Variants in MAS1 observed in about 807,000 individuals in gnomAD.
MAS1 encodes the protein MAS1 proto-oncogene, G protein-coupled receptor, also known as proto-oncogene Mas.
For missense variants in MAS1, 387 were observed against 409.7 expected, an observed-to-expected ratio of 0.94 and a Z score of 0.48; for synonymous variants, 163 against 164.2, an observed-to-expected ratio of 0.99 and a Z score of 0.05.
At chr6:159,890,169 C>T (rs1157445613), upstream of MAS1, among the ~76,000 whole-genome samples, 2 of 152,116 alleles carry the variant, frequency 1.3e-5, no homozygotes, top group African/African-American at 4.8e-5. Context: ...TGGGGCTTCA[C>T]ATTGAGTTAT....
At chr6:159,900,511 A>G (rs780149898) in intron 2 of MAS1, among the ~76,000 whole-genome samples, 3 of 152,184 alleles carry the variant, frequency 2.0e-5, no homozygotes, top group Non-Finnish European at 4.4e-5. Flanking sequence ...TGTGATTTTT[A>G]GCAATGTGTT....
upstream of MAS1, among the ~76,000 whole-genome samples, chr6:159,889,855 G>A (rs1265492447): frequency 6.6e-6 from 1 of 152,136 alleles, no homozygotes; most frequent in African/African-American, 2.4e-5. Flanking sequence ...CCGAGCTGCT[G>A]GTCAGGCTTC....
chr6:159,898,469 G>T (rs1309621673), intron 1 of MAS1, among the ~76,000 whole-genome samples: 1 of 150,754 alleles, frequency 6.6e-6, no homozygotes. Context: ...TGAGGGGTTT[G>T]GTAGAACAGT....
At chr6:159,889,932 A>T (rs1241795348), upstream of MAS1, among the ~76,000 whole-genome samples, 1 of 152,140 alleles carries the variant, frequency 6.6e-6, no homozygotes, top group Non-Finnish European at 1.5e-5. Context: ...GTCGGAGGGG[A>T]ACTTCATCTG....
intron 2 of MAS1, chr6:159,906,598 G>A (rs1429975073): frequency 1.5e-5 from 3 of 197,240 alleles, no homozygotes; most frequent in Non-Finnish European, 3.1e-5. Flanking sequence ...AATGGGTCCC[G>A]CACAGGGCAC....
chr6:159,893,301 G>A (rs931541358), intron 1 of MAS1, among the ~76,000 whole-genome samples: 3 of 152,220 alleles, frequency 2.0e-5, no homozygotes, highest in African/African-American at 7.2e-5. Context: ...TGTCAGTGCT[G>A]GGCAGGGCAG....
intron 1 of MAS1, among the ~76,000 whole-genome samples, chr6:159,896,615 GC>G (rs1356723030): frequency 6.6e-6 from 1 of 152,042 alleles, no homozygotes; most frequent in Admixed American, 6.6e-5. Context: ...TAGAAGAAAG[GC>G]GATAAACATT....
In MAS1 at chr6:159,909,055, ACT is replaced by A. The variant is rs1023702536; in HGVS notation, c.*1125_*1126del. 4 of 146,396 alleles carry A rather than the reference ACT, an allele frequency of 2.7e-5. No individual in the cohort carries two copies. The highest frequency in any genetic ancestry group is 4.5e-5 in the Non-Finnish European group (3 of 66,886). The allele number at this position is 146,396 out of a possible 1,614,324, so 9.1% of individuals were successfully genotyped here. A position where few individuals can be genotyped will look rare whatever the true frequency, so the allele number is the denominator to read the frequency against. Reference sequence around the variant, plus strand: ...TGAAAATGTGGTCACATCCTGGAGGACTCTGATATTTTTGCTCATGACAGATC... The same window carrying A: ...TGAAAATGTGGTCACATCCTGGAGGACTGATATTTTTGCTCATGACAGATC... On this transcript the variant is annotated 3_prime_UTR_variant, in exon 3 of 3. Coordinates refer to ENST00000674077, the MANE Select transcript of MAS1 (RefSeq NM_002377.4).
In MAS1 at chr6:159,908,509, GCACACACACACACACACACACACA is replaced by G. The variant is rs55793021; in HGVS notation, c.*589_*612del. 6.9e-6 allele frequency: 1 copy of G among 145,878 alleles called. No homozygotes were observed. The highest frequency in any genetic ancestry group is 1.5e-5 in the Non-Finnish European group (1 of 66,638). 9.0% of individuals were successfully genotyped at this position (145,878 alleles called of 1,614,324 possible). On this transcript the variant is annotated 3_prime_UTR_variant, in exon 3 of 3. Coordinates refer to ENST00000674077, the MANE Select transcript of MAS1 (RefSeq NM_002377.4). ...AAGATATAAATTTTTGTTTTGTAAA[GCACACACACACACACACACACACA>G]CACACACACACAGCTCTATCATGTA...
At position 159,911,208 on chromosome 6, in the gene MAS1, C is replaced by T. The variant is rs929071556; in HGVS notation, c.*3275C>T. The T allele has an allele frequency of 1.3e-5, 2 of 152,212 alleles. No individual in the cohort carries two copies. The highest frequency in any genetic ancestry group is 3.8e-4 in the East Asian group (2 of 5,204). 9.4% of individuals were successfully genotyped at this position (152,212 alleles called of 1,614,324 possible). A position where few individuals can be genotyped will look rare whatever the true frequency, so the allele number is the denominator to read the frequency against. ...AAATAGACATTTGCTGACCAGAACC[C>T]TTTGCTGGGCTCCAGTCCTGTGTGT... On this transcript the variant is annotated 3_prime_UTR_variant, in exon 3 of 3. Coordinates refer to ENST00000674077, the MANE Select transcript of MAS1 (RefSeq NM_002377.4).
At position 159,908,693 on chromosome 6, in the gene MAS1, G is replaced by A. The variant is rs1782929904; in HGVS notation, c.*760G>A. The A allele has an allele frequency of 6.6e-6, 1 of 152,290 alleles. No homozygotes were observed. Among genetic ancestry groups the A allele is most frequent in the Middle Eastern group, 3.4e-3 (1 of 294 alleles). 9.4% of individuals were successfully genotyped at this position (152,290 alleles called of 1,614,324 possible). A position where few individuals can be genotyped will look rare whatever the true frequency, so the allele number is the denominator to read the frequency against. On this transcript the variant is annotated 3_prime_UTR_variant, in exon 3 of 3. Transcript: ENST00000674077. ...CGGATGTTATGATCTAACAAGCCAT[G>A]TGCTAGTGCATCATTTCAGGTTGTG...
upstream of MAS1, among the ~76,000 whole-genome samples, chr6:159,890,182 G>A (rs1054327917): frequency 6.6e-6 from 1 of 152,086 alleles, no homozygotes; most frequent in African/African-American, 2.4e-5. Flanking sequence ...TGAGTTATTT[G>A]AAAAATGGGT....
chr6:159,910,082 T>A lies in MAS1; in HGVS notation c.*2149T>A, dbSNP rs779161435. 2.6e-5 allele frequency: 4 copies of A among 152,248 alleles called. No homozygotes were observed. The highest frequency in any genetic ancestry group is 4.4e-5 in the Non-Finnish European group (3 of 68,044). 9.4% of individuals were successfully genotyped at this position (152,248 alleles called of 1,614,324 possible). ...TATGTAGAGAATACTAAATCATTTG[T>A]ATCCTTTAGGCATTCAGACAATTTG... On this transcript the variant is annotated 3_prime_UTR_variant, in exon 3 of 3. Coordinates refer to ENST00000674077, the MANE Select transcript of MAS1 (RefSeq NM_002377.4).
chr6:159,902,955 C>T (rs1241444480), intron 2 of MAS1, among the ~76,000 whole-genome samples: 1 of 152,148 alleles, frequency 6.6e-6, no homozygotes, highest in African/African-American at 2.4e-5. Flanking sequence ...CCAGGTTCTG[C>T]TCTCAGCTCA....
In MAS1 at chr6:159,907,854, C is replaced by T. The variant is rs748613074; in HGVS notation, c.899C>T (p.Thr300Ile). 4 of 1,611,758 alleles carry T rather than the reference C, an allele frequency of 2.5e-6. No homozygotes were observed. In the Admixed American group the frequency reaches 5.0e-5, roughly 20 times the overall value. The change falls in exon 3 of 3, where the codon ACC becomes ATC. Residue 300 changes from threonine (T) to isoleucine (I), a missense_variant. Thr to Ile is a moderately conservative substitution (Grantham distance 89, BLOSUM62 -1). Transcript: ENST00000674077. ...AAGGAGTCCTTAAAAGTTGTTCTGA[C>T]CAGGGCTTTCAAAGATGAAATGCAA... ...RFKESLKVVL[T>I]RAFKDEMQPR...
chr6:159,889,135 G>A (rs927014277), upstream of MAS1, among the ~76,000 whole-genome samples: 1 of 152,164 alleles, frequency 6.6e-6, no homozygotes, highest in East Asian at 1.9e-4. Context: ...CTACCTAGAA[G>A]CCATCGGGCC....
rs1474416817 is a variant in MAS1, at chr6:159,899,169, T to C, written c.-243-17T>C. 1 of 152,230 alleles carries C rather than the reference T, an allele frequency of 6.6e-6. No homozygotes were observed. The highest frequency in any genetic ancestry group is 1.5e-5 in the Non-Finnish European group (1 of 68,056). The allele number at this position is 152,230 out of a possible 1,614,324, so 9.4% of individuals were successfully genotyped here. A position where few individuals can be genotyped will look rare whatever the true frequency, so the allele number is the denominator to read the frequency against. On this transcript the variant is annotated splice_polypyrimidine_tract_variant and intron_variant, in intron 1 of 2. Coordinates refer to ENST00000674077, the MANE Select transcript of MAS1 (RefSeq NM_002377.4). ...ACTGCGATATTCTCACAGTCTAACT[T>C]ATTTCTTTCTCCCTAGACATCTCTT...
rs560949987 is a variant in MAS1 at position 159,896,771 on chromosome 6, G to T, written c.-243-2415G>T. ...AGACGGGGGAATTGCAATAGAGAAA[G>T]AGTTTAATTCATACAGAGCCAGCTA... is the stretch of plus-strand genomic sequence containing the variant. On this transcript the variant is annotated intron_variant, in intron 1 of 2. Coordinates refer to ENST00000674077, the MANE Select transcript of MAS1 (RefSeq NM_002377.4). Among the ~76,000 whole-genome samples, 4 of 152,334 alleles carry T rather than the reference G, an allele frequency of 2.6e-5. No individual in the cohort carries two copies. The South Asian group carries it at 6.2e-4, about 24-fold the overall frequency.
intron 1 of MAS1, among the ~76,000 whole-genome samples, 131 bp downstream of exon 1, chr6:159,891,264 T>C (rs1361640339): frequency 6.6e-6 from 1 of 152,196 alleles, no homozygotes; most frequent in Non-Finnish European, 1.5e-5. Flanking sequence ...TTTTTTTCGG[T>C]GTGTTAGATG....
Sources: gnomAD v4.1 joint callset for allele counts (sites outside exome capture counted in the v4.1 genomes callset) on GRCh38, gnomAD v4.1.1 for gene constraint, MANE v1.5 for transcripts, NCBI Gene and HGNC (gene_info 2026-07-23, HGNC 2026-07-21) for gene names.